Variants in ACTN2 observed in about 807,000 individuals in gnomAD.
ACTN2 encodes actinin alpha 2.
A neutral mutation model predicts 113.8 loss-of-function variants in ACTN2; 39 were observed. The observed-to-expected ratio is 0.34, with a 90% CI of 0.27 to 0.45. The LOEUF (loss-of-function observed/expected upper bound fraction) is 0.45. ACTN2 is among the 20% of genes least tolerant of loss of function. The pLI is 1.00. For synonymous variants in ACTN2, 429 were observed against 444.1 expected (o/e 0.97, Z 0.43); for missense variants, 992 against 1,177.9 (o/e 0.84, Z 2.31).
Position 236,735,587 on chromosome 1 carries a change from G to A in ACTN2, c.698-48G>A, listed in dbSNP as rs1390938676. 6 of 1,449,054 alleles carry A rather than the reference G, an allele frequency of 4.1e-6. 1 individual carries two copies. In the South Asian group the frequency reaches 5.7e-5, roughly 14 times the overall value. 89.8% of individuals were successfully genotyped at this position (1,449,054 alleles called of 1,614,324 possible). On this transcript the variant is annotated intron_variant, in intron 7 of 20. Transcript: ENST00000366578. ...GTTTCTCTCCTTCGTCTGTATGTGT[G>A]TGGTGTGTGTGTGTGCGCGCGTCCT... is the stretch of plus-strand genomic sequence containing the variant.
intron 6 of ACTN2, among the ~76,000 whole-genome samples, chr1:236,729,127 G>T (rs1367840501): frequency 6.6e-6 from 1 of 151,836 alleles, no homozygotes; most frequent in Non-Finnish European, 1.5e-5. Context: ...ACAAAAATTA[G>T]CTAGGCGTGG....
chr1:236,729,197 CG>C (rs912153351), intron 6 of ACTN2, among the ~76,000 whole-genome samples: 1 of 151,894 alleles, frequency 6.6e-6, no homozygotes, highest in African/African-American at 2.4e-5. Flanking sequence ...TGGTGGCAGA[CG>C]CCTGTAATCC....
chr1:236,728,571 A>G (rs758816405), intron 6 of ACTN2, among the ~76,000 whole-genome samples: 3 of 152,206 alleles, frequency 2.0e-5, no homozygotes, highest in African/African-American at 7.2e-5. Flanking sequence ...TGTTATTGTT[A>G]GAAAATATCA....
At position 236,719,150 on chromosome 1, in the gene ACTN2, C is replaced by T. The variant is rs115748872; in HGVS notation, c.361+137C>T. On this transcript the variant is annotated intron_variant, in intron 3 of 20. Coordinates refer to ENST00000366578, the MANE Select transcript of ACTN2 (RefSeq NM_001103.4). Reference sequence around the variant, plus strand: ...CCTTGTATCAGGCTCTCTCTTAGGGCGCTCGGTGCACAAAGATAAGAACAA... The same window carrying T: ...CCTTGTATCAGGCTCTCTCTTAGGGTGCTCGGTGCACAAAGATAAGAACAA... 5.0e-3 allele frequency: 5,961 copies of T among 1,203,846 alleles called. 25 individuals are homozygous for T. Among genetic ancestry groups the T allele is most frequent in the Non-Finnish European group, 6.2e-3 (5,163 of 836,782 alleles). The allele number at this position is 1,203,846 out of a possible 1,614,324, so 74.6% of individuals were successfully genotyped here.
At chr1:236,744,382 C>T (rs1341698826) in intron 11 of ACTN2, among the ~76,000 whole-genome samples, 1 of 152,204 alleles carries the variant, frequency 6.6e-6, no homozygotes, top group Non-Finnish European at 1.5e-5. Flanking sequence ...AAAACGCACT[C>T]AGCATGCTCT....
At chr1:236,693,615 G>A (rs1244707331) in intron 1 of ACTN2, among the ~76,000 whole-genome samples, 1 of 152,080 alleles carries the variant, frequency 6.6e-6, no homozygotes, top group African/African-American at 2.4e-5. Flanking sequence ...CACGGCCGTT[G>A]GGTCACCACC....
At chr1:236,709,839 G>A (rs899189086) in intron 1 of ACTN2, among the ~76,000 whole-genome samples, 1 of 152,216 alleles carries the variant, frequency 6.6e-6, no homozygotes, top group East Asian at 1.9e-4. Flanking sequence ...AAAGCCCTAC[G>A]TCTGGGATGA....
In ACTN2 at chr1:236,725,809, G is replaced by A. The variant is rs1445929297; in HGVS notation, c.449-124G>A. The A allele has an allele frequency of 1.4e-5, 12 of 836,354 alleles. No individual in the cohort carries two copies. The Admixed American group carries it at 1.5e-4, about 11-fold the overall frequency. The allele number at this position is 836,354 out of a possible 1,614,324, so 51.8% of individuals were successfully genotyped here. On this transcript the variant is annotated intron_variant, in intron 4 of 20. Transcript: ENST00000366578. The stretch of plus-strand genomic sequence containing the variant: ...GGGTTCTGGCTCCTATGCACTTGCC[G>A]AGGCTGTAGGAAGAGACCCCCTGGG...
At chr1:236,686,820 C>T in intron 1 of ACTN2, 21 bp downstream of exon 1, 2 of 1,463,004 alleles carry the variant, frequency 1.4e-6, no homozygotes, top group East Asian at 2.9e-5. Context: ...GCCCGCGGGC[C>T]GCCCGCGCGT....
chr1:236,720,762 C>T (rs1446091718), intron 4 of ACTN2, among the ~76,000 whole-genome samples: 1 of 152,100 alleles, frequency 6.6e-6, no homozygotes, highest in Non-Finnish European at 1.5e-5. Context: ...AACTACACTC[C>T]CAAATATTTT....
chr1:236,723,693 G>A lies in ACTN2; in HGVS notation c.449-2240G>A, dbSNP rs113469810. ...TTGGGTCTTGAACTCCTGACCTCAG[G>A]TAATCCACCAGCCTCGGCCTCCCAA... On this transcript the variant is annotated intron_variant, in intron 4 of 20. Coordinates refer to ENST00000366578, the MANE Select transcript of ACTN2 (RefSeq NM_001103.4). Among the ~76,000 whole-genome samples the A allele has an allele frequency of 3.2e-3, 489 of 152,200 alleles. 3 individuals carry two copies. Among genetic ancestry groups the A allele is most frequent in the African/African-American group, 0.011 (466 of 41,512 alleles).
At position 236,731,260 on chromosome 1, in the gene ACTN2, G is replaced by T; in HGVS notation, c.643G>T (p.Ala215Ser). The T allele has an allele frequency of 2.5e-6, 4 of 1,613,758 alleles. No individual in the cohort carries two copies. Among genetic ancestry groups the T allele is most frequent in the Non-Finnish European group, 2.5e-6 (3 of 1,179,728 alleles). ...KDDPIGNINL[A>S]MEIAEKHLDI... ...TGACCCCATAGGAAATATTAACCTG[G>T]CCATGGAAATCGCTGAGAAGCACCT... Residue 215 changes from alanine (A) to serine (S), a missense_variant, in exon 7 of 21, where the codon GCC (alanine) becomes TCC (serine). Physicochemically the swap from Ala to Ser is moderately conservative, Grantham distance 99. Transcript: ENST00000366578.
chr1:236,709,521 C>T (rs937405736), intron 1 of ACTN2, among the ~76,000 whole-genome samples: 1 of 151,438 alleles, frequency 6.6e-6, no homozygotes, highest in Admixed American at 6.6e-5. Context: ...ATCTCGGGGA[C>T]CACTGCCGCT....
At chr1:236,753,122 A>G (rs985377028) in intron 15 of ACTN2, among the ~76,000 whole-genome samples, 5 of 152,192 alleles carry the variant, frequency 3.3e-5, no homozygotes, top group African/African-American at 9.6e-5. Context: ...AGGTATAAGA[A>G]TCGAACTCAT....
Position 236,750,408 on chromosome 1 carries a change from G to T in ACTN2, c.1657-1062G>T, listed in dbSNP as rs1425225253. On this transcript the variant is annotated intron_variant, in intron 14 of 20. Transcript: ENST00000366578. Reference sequence around the variant, plus strand: ...GAGGCTCCGATGGTGTTTCCTGCGTGCACTCTTAAGCACAGGCCAACAGTC... The same window carrying T: ...GAGGCTCCGATGGTGTTTCCTGCGTTCACTCTTAAGCACAGGCCAACAGTC... Among the ~76,000 whole-genome samples the T allele has an allele frequency of 2.6e-5, 4 of 152,236 alleles. No homozygotes were observed. The East Asian group carries it at 7.7e-4, about 29-fold the overall frequency.
intron 1 of ACTN2, among the ~76,000 whole-genome samples, chr1:236,700,701 C>T (rs1381057998): frequency 6.6e-6 from 1 of 152,182 alleles, no homozygotes; most frequent in Non-Finnish European, 1.5e-5. Context: ...ACTTCTGCTT[C>T]TGTATTTCCT....
rs1197619498 is a variant in ACTN2, at chr1:236,747,699, A to G, written c.1439A>G (p.Asn480Ser). ...ELDYHDAVNV[N>S]DRCQKICDQW... ...GACTATCACGACGCTGTGAATGTCA[A>G]TGATCGGTGCCAGAAAATTTGTGAC... The change falls in exon 13 of 21, where the codon AAT (asparagine) becomes AGT (serine). Residue 480 changes from asparagine to serine, a missense_variant. Around this residue, in one of 3 missense-constraint regions of ACTN2, gnomAD observed 736 missense variants for 815.4 expected, o/e 0.90. Coordinates refer to ENST00000366578, the MANE Select transcript of ACTN2 (RefSeq NM_001103.4). The G allele has an allele frequency of 8.1e-6, 13 of 1,614,090 alleles. No homozygotes were observed. In the East Asian group the frequency reaches 1.8e-4, roughly 22 times the overall value.
intron 6 of ACTN2, among the ~76,000 whole-genome samples, chr1:236,731,011 C>T (rs1313984470): frequency 1.3e-5 from 2 of 152,126 alleles, no homozygotes; most frequent in African/African-American, 2.4e-5. Context: ...TTTGTTCACA[C>T]TTTATGATTG....
At chr1:236,759,861 C>G in intron 19 of ACTN2, 72 bp downstream of exon 19, 1 of 1,419,192 alleles carries the variant, frequency 7.0e-7, no homozygotes, top group Non-Finnish European at 9.9e-7. Context: ...TAAAAGATGA[C>G]AAGCTCAAAC....
Sources: gnomAD v4.1 joint callset for allele counts (sites outside exome capture counted in the v4.1 genomes callset) on GRCh38, gnomAD v4.1.1 for gene constraint, gnomAD v4.1.1 regional missense constraint, MANE v1.5 for transcripts, NCBI Gene and HGNC (gene_info 2026-07-23, HGNC 2026-07-21) for gene names.